TAFA4: variants seen among roughly 807,000 people sequenced by gnomAD.
TAFA4 encodes chemokine-like protein TAFA-4.
TAFA4 carries 20 observed loss-of-function variants against 21.1 expected under a neutral mutation model. That is an observed-to-expected ratio of 0.95 (90% CI 0.67 to 1.38). The LOEUF is 1.38. Ranked by LOEUF, TAFA4 falls within the 40% of genes most tolerant of loss-of-function variation. TAFA4 has a pLI of 0.00. For missense variants in TAFA4, 211 were observed against 180.9 expected, an observed-to-expected ratio of 1.17 and a Z score of -0.95; for synonymous variants, 71 against 67.4, an observed-to-expected ratio of 1.05 and a Z score of -0.26.
intron 3 of TAFA4, among the ~76,000 whole-genome samples, chr3:68,808,353 C>T (rs1241036947): frequency 2.0e-5 from 3 of 152,128 alleles, no homozygotes; most frequent in African/African-American, 4.8e-5. Context: ...CTCTCTAATC[C>T]ATCCTTCTAT....
chr3:68,869,514 T>C (rs1436984135), intron 3 of TAFA4, among the ~76,000 whole-genome samples: 1 of 151,974 alleles, frequency 6.6e-6, no homozygotes, highest in African/African-American at 2.4e-5. Context: ...TTCACCATGA[T>C]CAAATAATCA....
chr3:68,812,011 G>T (rs905227882), intron 3 of TAFA4, among the ~76,000 whole-genome samples: 3 of 152,108 alleles, frequency 2.0e-5, no homozygotes, highest in Non-Finnish European at 4.4e-5. Context: ...GAGAGTGGGG[G>T]CCAATATTCA....
chr3:68,866,090 C>A (rs2089412607), intron 3 of TAFA4, among the ~76,000 whole-genome samples: 2 of 152,050 alleles, frequency 1.3e-5, no homozygotes, highest in Non-Finnish European at 2.9e-5. Context: ...AGAAAATCCC[C>A]TGAGGGTGCT....
intron 5 of TAFA4, among the ~76,000 whole-genome samples, chr3:68,733,671 A>G (rs1205376331): frequency 6.6e-6 from 1 of 152,212 alleles, no homozygotes; most frequent in African/African-American, 2.4e-5. Context: ...GTGATCTAAG[A>G]AAATTGAACA....
At chr3:68,739,486 A>T (rs1702308391) in intron 4 of TAFA4, among the ~76,000 whole-genome samples, 1 of 152,202 alleles carries the variant, frequency 6.6e-6, no homozygotes, top group Non-Finnish European at 1.5e-5. Flanking sequence ...CAGTATGGAG[A>T]TTTCTCAAAG....
At chr3:68,746,110 C>G (rs1304566803) in intron 4 of TAFA4, among the ~76,000 whole-genome samples, 3 of 152,144 alleles carry the variant, frequency 2.0e-5, no homozygotes, top group Admixed American at 1.3e-4. Context: ...AGTTCTTCAG[C>G]TTTTGGACTC....
chr3:68,908,233 GACACAGAGGTTA>G (rs1441392506), intron 1 of TAFA4, among the ~76,000 whole-genome samples: 1 of 152,144 alleles, frequency 6.6e-6, no homozygotes, highest in Non-Finnish European at 1.5e-5. Context: ...CTCCCTAAGA[GACACAGAGGTTA>G]ACATTTTGGG....
At chr3:68,753,373 T>A (rs1702597590) in intron 3 of TAFA4, among the ~76,000 whole-genome samples, 1 of 144,962 alleles carries the variant, frequency 6.9e-6, no homozygotes, top group Non-Finnish European at 1.5e-5. Flanking sequence ...TCTCACTCTG[T>A]CACTGAGATT....
At chr3:68,772,882 A>T (rs759260707) in intron 3 of TAFA4, among the ~76,000 whole-genome samples, 1 of 152,030 alleles carries the variant, frequency 6.6e-6, no homozygotes, top group Non-Finnish European at 1.5e-5. Context: ...CCATTCACTC[A>T]TCCTATTGGT....
chr3:68,797,025 C>G (rs1053947158), intron 3 of TAFA4, among the ~76,000 whole-genome samples: 3 of 152,042 alleles, frequency 2.0e-5, no homozygotes, highest in African/African-American at 7.2e-5. Context: ...GTGGAGAAAA[C>G]AGAACCTTTG....
At chr3:68,922,658 T>G (rs1015314979) in intron 1 of TAFA4, among the ~76,000 whole-genome samples, 1 of 152,228 alleles carries the variant, frequency 6.6e-6, no homozygotes, top group South Asian at 2.1e-4. Flanking sequence ...ATCCTGAGTC[T>G]TTTGTAGATG....
rs573233656 is a variant in TAFA4, at chr3:68,814,566, G to A, written c.131-61548C>T. 3.3e-4 allele frequency among the ~76,000 whole-genome samples: 50 copies of A among 152,174 alleles called. 1 individual carries two copies. In the South Asian group the frequency reaches 3.3e-3, roughly 10 times the overall value. On this transcript the variant is annotated intron_variant, in intron 3 of 5. Coordinates refer to ENST00000295569, the MANE Select transcript of TAFA4 (RefSeq NM_182522.5). ...CATGAGTGAACTCCCATTCACAATC[G>A]CCTCAAAGAGAATAAAATACCTAGG...
At chr3:68,806,447 T>C (rs1389697243) in intron 3 of TAFA4, among the ~76,000 whole-genome samples, 1 of 152,194 alleles carries the variant, frequency 6.6e-6, no homozygotes, top group Non-Finnish European at 1.5e-5. Context: ...ATTTATGTCA[T>C]ATATTATATA....
chr3:68,801,782 T>C (rs1166976478), intron 3 of TAFA4, among the ~76,000 whole-genome samples: 2 of 152,212 alleles, frequency 1.3e-5, no homozygotes, highest in South Asian at 2.1e-4. Context: ...TCTCAGCTCA[T>C]GTGCCCTACA....
intron 1 of TAFA4, among the ~76,000 whole-genome samples, chr3:68,920,276 A>C (rs9843330): frequency 0.26 from 39,107 of 152,136 alleles, 5,351 homozygotes; most frequent in African/African-American, 0.36. Context: ...GACACTACTT[A>C]AGTGAAAAAA....
intron 1 of TAFA4, among the ~76,000 whole-genome samples, chr3:68,907,233 C>G (rs1349631050): frequency 6.6e-6 from 1 of 151,964 alleles, no homozygotes; most frequent in Non-Finnish European, 1.5e-5. Context: ...CCAAAGTAGC[C>G]ACAGAAATTA....
In TAFA4 at chr3:68,732,941, G is replaced by C; in HGVS notation, c.*201C>G. 1.6e-6 allele frequency: 1 copy of C among 608,928 alleles called. No homozygotes were observed. Among genetic ancestry groups the C allele is most frequent in the Non-Finnish European group, 2.8e-6 (1 of 359,032 alleles). The allele number at this position is 608,928 out of a possible 1,614,324, so 37.7% of individuals were successfully genotyped here. ...GATGTCAAATGGGTGGTGGCTTGTG[G>C]TTATAATTCAATGAAATAAAATCAC... On this transcript the variant is annotated 3_prime_UTR_variant, in exon 6 of 6. Transcript: ENST00000295569.
At chr3:68,848,745 C>G (rs946748585) in intron 3 of TAFA4, among the ~76,000 whole-genome samples, 1 of 152,192 alleles carries the variant, frequency 6.6e-6, no homozygotes, top group African/African-American at 2.4e-5. Flanking sequence ...CTGTCCTGCA[C>G]CACTTCCTAC....
chr3:68,808,445 G>C (rs763143274), intron 3 of TAFA4, among the ~76,000 whole-genome samples: 5 of 152,098 alleles, frequency 3.3e-5, no homozygotes, highest in Non-Finnish European at 5.9e-5. Context: ...TTATCTTCAA[G>C]TGTTGACTAT....
Sources: gnomAD v4.1 joint callset for allele counts (sites outside exome capture counted in the v4.1 genomes callset) on GRCh38, gnomAD v4.1.1 for gene constraint, MANE v1.5 for transcripts, NCBI Gene and HGNC (gene_info 2026-07-23, HGNC 2026-07-21) for gene names.